Variants in PKHD1L1 observed in about 807,000 individuals in gnomAD.
The protein encoded by PKHD1L1 is fibrocystin-L.
Under a neutral mutation model 462.9 loss-of-function variants are expected in PKHD1L1, and 434 were observed. That is an observed-to-expected ratio of 0.94 (90% CI 0.87 to 1.02). PKHD1L1 has a LOEUF of 1.02. Ranked by LOEUF, PKHD1L1 falls within the 50% of genes least tolerant of loss-of-function variation. The pLI, the probability that PKHD1L1 is intolerant of heterozygous loss-of-function variation, is 0.00. For synonymous variants in PKHD1L1, 1,781 were observed against 1,750.0 expected (o/e 1.02, Z -0.44); for missense variants, 5,202 against 5,096.1 (o/e 1.02, Z -0.63).
In PKHD1L1 at chr8:109,445,145, T is replaced by C. The variant is rs777115583; in HGVS notation, c.5276T>C (p.Val1759Ala). ...PYITGVFPNS[V>A]IGSVKVLIEG... is the part of the protein sequence containing the mutation. Reference sequence around the variant, plus strand: ...ATAACAGGAGTCTTCCCAAACTCTGTCATAGGATCTGTAAAAGTTCTTATT... The same window carrying C: ...ATAACAGGAGTCTTCCCAAACTCTGCCATAGGATCTGTAAAAGTTCTTATT... The change falls in exon 38 of 78, where the codon GTC becomes GCC. Residue 1759 changes from valine to alanine, a missense_variant. Val to Ala is a moderately conservative substitution (Grantham distance 64). Around this residue, in one of 3 missense-constraint regions of PKHD1L1, gnomAD observed 4,497 missense variants for 4,336.8 expected, o/e 1.04. Coordinates refer to ENST00000378402, the MANE Select transcript of PKHD1L1 (RefSeq NM_177531.6). 1.9e-6 allele frequency: 3 copies of C among 1,613,958 alleles called. No homozygotes were observed. The highest frequency in any genetic ancestry group is 2.5e-6 in the Non-Finnish European group (3 of 1,179,892).
chr8:109,437,467 A>T (rs1048280391), intron 30 of PKHD1L1, among the ~76,000 whole-genome samples: 44 of 149,026 alleles, frequency 3.0e-4, no homozygotes, highest in Non-Finnish European at 1.3e-4. Flanking sequence ...AACATTAGGT[A>T]TATCTCCTAA....
intron 62 of PKHD1L1, among the ~76,000 whole-genome samples, chr8:109,492,384 T>C (rs886090815): frequency 6.6e-5 from 10 of 151,872 alleles, no homozygotes; most frequent in African/African-American, 2.2e-4. Context: ...ATATTACTAA[T>C]TGGAACCTTC....
Position 109,454,717 on chromosome 8 carries a change from T to A in PKHD1L1, c.6745-6T>A, listed in dbSNP as rs768055419. 3 of 1,612,718 alleles carry A rather than the reference T, an allele frequency of 1.9e-6. No individual in the cohort carries two copies. Among genetic ancestry groups the A allele is most frequent in the Non-Finnish European group, 2.5e-6 (3 of 1,179,348 alleles). On this transcript the variant is annotated splice_polypyrimidine_tract_variant and splice_region_variant and intron_variant, in intron 44 of 77. Transcript: ENST00000378402. ...TTCTGAATGGCATTTGTGACATCTTTTGCAGATTGGAACAGAGACATCCCC... is the reference window on the plus strand; with the variant it reads ...TTCTGAATGGCATTTGTGACATCTTATGCAGATTGGAACAGAGACATCCCC...
intron 4 of PKHD1L1, 147 bp from the exon 5 acceptor site, chr8:109,383,923 G>T (rs1211949491): frequency 3.0e-6 from 2 of 664,696 alleles, no homozygotes; most frequent in Non-Finnish European, 2.6e-6. Flanking sequence ...TTAACTCTTA[G>T]GTTCATCTTA....
Position 109,448,310 on chromosome 8 carries a change from C to T in PKHD1L1, c.5944C>T (p.His1982Tyr). ...HAGGTFPVMM[H>Y]HKTKGSAMST... ...TGGGGGCACATTTCCTGTTATGATGCATCATAAGACAAAAGGCTCAGCCAT... is the reference window on the plus strand; with the variant it reads ...TGGGGGCACATTTCCTGTTATGATGTATCATAAGACAAAAGGCTCAGCCAT... The change falls in exon 39 of 78, where the codon CAT (histidine) becomes TAT (tyrosine). Residue 1982 changes from histidine (H) to tyrosine (Y), a missense_variant. His to Tyr is a moderately conservative substitution (Grantham distance 83). Around this residue, in one of 3 missense-constraint regions of PKHD1L1, gnomAD observed 4,497 missense variants for 4,336.8 expected, o/e 1.04. Transcript: ENST00000378402. 7 of 1,613,398 alleles carry T rather than the reference C, an allele frequency of 4.3e-6. No homozygotes were observed. The highest frequency in any genetic ancestry group is 5.1e-6 in the Non-Finnish European group (6 of 1,179,716).
chr8:109,384,629 T>C (rs1379530708), intron 5 of PKHD1L1, among the ~76,000 whole-genome samples: 7 of 152,068 alleles, frequency 4.6e-5, no homozygotes, highest in Non-Finnish European at 1.0e-4. Flanking sequence ...CCACCACTTA[T>C]ACATTCAACT....
intron 7 of PKHD1L1, 72 bp from the exon 8 acceptor site, chr8:109,389,007 T>G: frequency 9.4e-7 from 1 of 1,069,016 alleles, no homozygotes; most frequent in Non-Finnish European, 1.4e-6. Context: ...AATGAGTAGT[T>G]TTTAAGAGAA....
chr8:109,388,193 A>T (rs1468173875), intron 6 of PKHD1L1, among the ~76,000 whole-genome samples: 1 of 152,054 alleles, frequency 6.6e-6, no homozygotes, highest in Non-Finnish European at 1.5e-5. Context: ...AGTATTTAAC[A>T]CCTCTAACAC....
chr8:109,479,628 T>A lies in PKHD1L1; in HGVS notation c.9167T>A (p.Ile3056Asn). ...GTACCTCACCCAGGGGCAAATGTGA[T>A]TATACCTGAAGGTAAATGCGTAAAC... The part of the protein sequence containing the change: ...YTVPHPGANV[I>N]IPEGTWIVAD... The change falls in exon 54 of 78, where the codon ATT (isoleucine) becomes AAT (asparagine). Residue 3056 changes from isoleucine to asparagine, a missense_variant. Coordinates refer to ENST00000378402, the MANE Select transcript of PKHD1L1 (RefSeq NM_177531.6). The A allele has an allele frequency of 6.7e-7, 1 of 1,503,050 alleles. No individual in the cohort carries two copies. Among genetic ancestry groups the A allele is most frequent in the Non-Finnish European group, 9.2e-7 (1 of 1,091,006 alleles). 93.1% of individuals were successfully genotyped at this position (1,503,050 alleles called of 1,614,324 possible). A position where few individuals can be genotyped will look rare whatever the true frequency, so the allele number is the denominator to read the frequency against.
At chr8:109,479,407 G>C in intron 53 of PKHD1L1, 144 bp from the exon 54 acceptor site, 1 of 601,366 alleles carries the variant, frequency 1.7e-6, no homozygotes, top group Non-Finnish European at 2.9e-6. Flanking sequence ...CATGTGTCAA[G>C]GGTCTTTAAA....
In PKHD1L1 at chr8:109,456,268, C is replaced by T. The variant is rs753798192; in HGVS notation, c.6881C>T (p.Pro2294Leu). The change falls in exon 46 of 78, where the codon CCT becomes CTT. Residue 2294 changes from proline (P) to leucine (L), a missense_variant. Around this residue, in one of 3 missense-constraint regions of PKHD1L1, gnomAD observed 4,497 missense variants for 4,336.8 expected, o/e 1.04. Transcript: ENST00000378402. Reference protein sequence around the residue: ...REGILDLHGVPVPVTWTRLAH... With the variant: ...REGILDLHGVLVPVTWTRLAH... Reference sequence around the variant, plus strand: ...GTGTGTATGTTGGTTCTAGGTGTGCCTGTTCCTGTGACCTGGACTCGCTTG... The same window carrying T: ...GTGTGTATGTTGGTTCTAGGTGTGCTTGTTCCTGTGACCTGGACTCGCTTG... 2.5e-6 allele frequency: 4 copies of T among 1,612,116 alleles called. No homozygotes were observed. The highest frequency in any genetic ancestry group is 1.7e-5 in the Admixed American group (1 of 59,722).
At chr8:109,429,249 C>A in intron 25 of PKHD1L1, 91 bp from the exon 26 acceptor site, 2 of 1,097,392 alleles carry the variant, frequency 1.8e-6, no homozygotes, top group African/African-American at 1.6e-5. Context: ...GACTTTTATT[C>A]ACCTTTGCCT....
intron 21 of PKHD1L1, among the ~76,000 whole-genome samples, chr8:109,414,017 A>G (rs533416546): frequency 6.6e-6 from 1 of 152,278 alleles, no homozygotes; most frequent in South Asian, 2.1e-4. Flanking sequence ...ATAAAGGAAG[A>G]AACAAAATAA....
At chr8:109,417,275 G>T (rs917721049) in intron 21 of PKHD1L1, among the ~76,000 whole-genome samples, 1 of 151,978 alleles carries the variant, frequency 6.6e-6, no homozygotes, top group African/African-American at 2.4e-5. Context: ...TGATTATTAT[G>T]CATTGCATGG....
At position 109,480,072 on chromosome 8, in the gene PKHD1L1, A is replaced by G. The variant is rs534174024; in HGVS notation, c.9260A>G (p.Tyr3087Cys). The G allele has an allele frequency of 8.8e-6, 14 of 1,586,158 alleles. No homozygotes were observed. The highest frequency in any genetic ancestry group is 6.7e-5 in the African/African-American group (5 of 74,122). Residue 3087 changes from tyrosine to cysteine, a missense_variant, in exon 55 of 78, where the codon TAC becomes TGC. By Grantham distance (194) the Tyr-to-Cys change is radical. Around this residue, in one of 3 missense-constraint regions of PKHD1L1, gnomAD observed 4,497 missense variants for 4,336.8 expected, o/e 1.04. Transcript: ENST00000378402. ...IWGVLELEDK[Y>C]NVGAAESSYR... ...GGGGTTCTAGAACTGGAAGATAAAT[A>G]CAATGTAGGAGCTGCAGAATCTTCT...
intron 34 of PKHD1L1, among the ~76,000 whole-genome samples, 180 bp from the exon 35 acceptor site, chr8:109,441,827 A>G (rs932955343): frequency 5.9e-5 from 9 of 151,920 alleles, no homozygotes; most frequent in Admixed American, 1.3e-4. Context: ...TCTTCTTATT[A>G]CCTTGCTTTC....
At chr8:109,421,123 C>A (rs1814441790) in intron 23 of PKHD1L1, among the ~76,000 whole-genome samples, 2 of 151,082 alleles carry the variant, frequency 1.3e-5, no homozygotes, top group South Asian at 2.1e-4. Flanking sequence ...TCCAGAAGGA[C>A]CTGAACAATT....
At chr8:109,502,161 A>G (rs1488025552) in intron 67 of PKHD1L1, among the ~76,000 whole-genome samples, 1 of 152,092 alleles carries the variant, frequency 6.6e-6, no homozygotes, top group Non-Finnish European at 1.5e-5. Context: ...AATACATGCA[A>G]TTTCAATATT....
chr8:109,435,662 A>C (rs564075899), intron 29 of PKHD1L1, among the ~76,000 whole-genome samples: 1 of 152,238 alleles, frequency 6.6e-6, no homozygotes, highest in Admixed American at 6.5e-5. Context: ...TATTCTGCTT[A>C]CCAGCTGCTT....
Sources: allele counts gnomAD v4.1 joint callset (sites outside exome capture counted in the v4.1 genomes callset), GRCh38; gene constraint gnomAD v4.1.1; regional missense constraint gnomAD v4.1.1; transcripts MANE v1.5; gene names NCBI Gene and HGNC (gene_info 2026-07-23, HGNC 2026-07-21).